Variants in FHIT observed in about 807,000 individuals in gnomAD.
The protein encoded by FHIT is bis(5'-adenosyl)-triphosphatase.
A neutral mutation model predicts 17.9 loss-of-function variants in FHIT; 19 were observed. The observed-to-expected ratio is 1.06, with a 90% CI of 0.74 to 1.56. FHIT has a LOEUF of 1.56. Ranked by LOEUF, FHIT falls within the 40% of genes most tolerant of loss-of-function variation. The pLI, the probability that FHIT is intolerant of heterozygous loss-of-function variation, is 0.00. For synonymous variants in FHIT, 81 were observed against 69.7 expected, an observed-to-expected ratio of 1.16 and a Z score of -0.81; for missense variants, 248 against 189.2, an observed-to-expected ratio of 1.31 and a Z score of -1.82.
intron 7 of FHIT, among the ~76,000 whole-genome samples, chr3:60,007,068 T>C (rs1354341263): frequency 2.0e-5 from 3 of 152,140 alleles, no homozygotes; most frequent in African/African-American, 4.8e-5. Context: ...ACCATAAACA[T>C]AGAAGAGTGT....
intron 3 of FHIT, among the ~76,000 whole-genome samples, chr3:60,982,078 G>C (rs1418451669): frequency 6.6e-6 from 1 of 152,172 alleles, no homozygotes; most frequent in Non-Finnish European, 1.5e-5. Flanking sequence ...TGCCCTTCCA[G>C]TTCATTCTGC....
At chr3:59,954,917 T>G (rs1033884186) in intron 7 of FHIT, among the ~76,000 whole-genome samples, 1 of 152,208 alleles carries the variant, frequency 6.6e-6, no homozygotes, top group African/African-American at 2.4e-5. Flanking sequence ...TGAATTTAAA[T>G]GCCTACTCTT....
At chr3:59,877,781 G>C (rs1055789737) in intron 8 of FHIT, among the ~76,000 whole-genome samples, 6 of 152,128 alleles carry the variant, frequency 3.9e-5, no homozygotes, top group African/African-American at 1.4e-4. Flanking sequence ...TTTCCTATAA[G>C]AATACTAGCC....
At chr3:60,264,003 T>C (rs947952739) in intron 5 of FHIT, among the ~76,000 whole-genome samples, 1 of 151,882 alleles carries the variant, frequency 6.6e-6, no homozygotes, top group Admixed American at 6.6e-5. Context: ...ATCTATTTGA[T>C]CTGTTCAAAT....
At position 61,022,221 on chromosome 3, in the gene FHIT, C is replaced by A. The variant is rs58411135; in HGVS notation, c.-111+19826G>T. ...ATCAGAGAATACATAAACACCTCTA[C>A]ACAAATAAACTAGAAAATATAGAAG... On this transcript the variant is annotated intron_variant, in intron 3 of 9. Transcript: ENST00000492590. Among the ~76,000 whole-genome samples, 1,132 of 152,292 alleles carry A rather than the reference C, an allele frequency of 7.4e-3. 12 individuals are homozygous for A. Among genetic ancestry groups the A allele is most frequent in the African/African-American group, 0.026 (1,072 of 41,560 alleles).
intron 8 of FHIT, among the ~76,000 whole-genome samples, chr3:59,803,342 G>A (rs1700073400): frequency 6.6e-6 from 1 of 152,194 alleles, no homozygotes; most frequent in South Asian, 2.1e-4. Context: ...CACGGGGCCA[G>A]CGAAGGATTC....
At chr3:59,896,990 G>A (rs1479533838) in intron 8 of FHIT, among the ~76,000 whole-genome samples, 1 of 152,124 alleles carries the variant, frequency 6.6e-6, no homozygotes, top group Non-Finnish European at 1.5e-5. Flanking sequence ...CAAAGTCAGA[G>A]GCTGTGACAA....
intron 2 of FHIT, among the ~76,000 whole-genome samples, chr3:61,187,763 G>C (rs9811478): frequency 0.44 from 67,078 of 151,972 alleles, 15,837 homozygotes; most frequent in East Asian, 0.87. Flanking sequence ...AACTAGAACT[G>C]AGGATTAAGA....
At chr3:60,453,605 G>A (rs2031892675) in intron 5 of FHIT, among the ~76,000 whole-genome samples, 1 of 152,146 alleles carries the variant, frequency 6.6e-6, no homozygotes, top group Non-Finnish European at 1.5e-5. Flanking sequence ...CATCAGTCCT[G>A]TTTTAAATCC....
chr3:60,649,341 G>T (rs1448012067), intron 4 of FHIT, among the ~76,000 whole-genome samples: 7 of 152,190 alleles, frequency 4.6e-5, no homozygotes, highest in Admixed American at 4.6e-4. Flanking sequence ...GGCAGAGCTT[G>T]CAGCTAGCCG....
intron 3 of FHIT, among the ~76,000 whole-genome samples, chr3:60,950,637 C>A (rs1029054060): frequency 6.6e-6 from 1 of 151,996 alleles, no homozygotes; most frequent in Non-Finnish European, 1.5e-5. Context: ...CTGCCTCAGT[C>A]TCCCAAGTAG....
At chr3:60,092,893 T>C (rs2107103534) in intron 5 of FHIT, among the ~76,000 whole-genome samples, 1 of 152,350 alleles carries the variant, frequency 6.6e-6, no homozygotes, top group East Asian at 1.9e-4. Context: ...ATTGTGCATC[T>C]GTTCAAACTA....
intron 7 of FHIT, among the ~76,000 whole-genome samples, chr3:59,992,945 A>C (rs1699351377): frequency 6.6e-6 from 1 of 152,072 alleles, no homozygotes; most frequent in Non-Finnish European, 1.5e-5. Flanking sequence ...ATTTTTCTTT[A>C]AACAATGGAT....
chr3:59,749,348 A>G lies in FHIT; in HGVS notation c.*237T>C. On this transcript the variant is annotated 3_prime_UTR_variant, in exon 10 of 10. Coordinates refer to ENST00000492590, the MANE Select transcript of FHIT (RefSeq NM_002012.4). ...GGAAGTTTAATCATAAGGCTGCCGA[A>G]TAAGGAGACAGGGGGAAACCTCAAA... The G allele has an allele frequency of 1.3e-5, 3 of 231,416 alleles. No homozygotes were observed. The highest frequency in any genetic ancestry group is 1.7e-5 in the Non-Finnish European group (2 of 117,102). The allele number at this position is 231,416 out of a possible 1,614,324, so 14.3% of individuals were successfully genotyped here.
intron 5 of FHIT, among the ~76,000 whole-genome samples, chr3:60,444,807 C>T (rs993046413): frequency 6.6e-6 from 1 of 151,194 alleles, no homozygotes; most frequent in Admixed American, 6.6e-5. Flanking sequence ...AACAAACCCG[C>T]ACATTGTGCA....
chr3:60,872,217 T>C (rs1243997292), intron 3 of FHIT, among the ~76,000 whole-genome samples: 1 of 152,152 alleles, frequency 6.6e-6, no homozygotes, highest in Non-Finnish European at 1.5e-5. Context: ...AATGCTTTCA[T>C]TTCTTTTGAT....
chr3:60,924,119 T>C (rs1487003543), intron 3 of FHIT, among the ~76,000 whole-genome samples: 1 of 152,144 alleles, frequency 6.6e-6, no homozygotes, highest in Non-Finnish European at 1.5e-5. Context: ...CTCTGTAGAC[T>C]CCACCTCTGG....
At chr3:60,410,073 C>G (rs1031858718) in intron 5 of FHIT, among the ~76,000 whole-genome samples, 1 of 152,018 alleles carries the variant, frequency 6.6e-6, no homozygotes, top group Non-Finnish European at 1.5e-5. Flanking sequence ...CAGGATAATT[C>G]AGAATACTAA....
At chr3:60,165,020 G>C (rs1298690114) in intron 5 of FHIT, among the ~76,000 whole-genome samples, 1 of 152,032 alleles carries the variant, frequency 6.6e-6, no homozygotes, top group African/African-American at 2.4e-5. Flanking sequence ...TAATTTCCTA[G>C]GCAGTTTAGA....
Sources: gnomAD v4.1 joint callset for allele counts (sites outside exome capture counted in the v4.1 genomes callset) on GRCh38, gnomAD v4.1.1 for gene constraint, MANE v1.5 for transcripts, NCBI Gene and HGNC (gene_info 2026-07-23, HGNC 2026-07-21) for gene names.